KIF13B: variants seen among roughly 807,000 people sequenced by gnomAD.
KIF13B encodes the protein kinesin family member 13B.
In KIF13B, 127 loss-of-function variants were observed where a neutral mutation model predicts 222.0. That is an observed-to-expected ratio of 0.57 (90% CI 0.50 to 0.66). The LOEUF is 0.66. KIF13B is among the 30% of genes least tolerant of loss of function. The pLI is 0.00. For missense variants in KIF13B, 2,173 were observed against 2,379.0 expected, an observed-to-expected ratio of 0.91 and a Z score of 1.80; for synonymous variants, 976 against 919.0, an observed-to-expected ratio of 1.06 and a Z score of -1.12.
chr8:29,209,884 A>C (rs11988487), intron 2 of KIF13B, among the ~76,000 whole-genome samples: 1 of 81,712 alleles, frequency 1.2e-5, no homozygotes, highest in African/African-American at 3.8e-5. Flanking sequence ...CTACCTCTCC[A>C]CAAAAAAAAA....
In KIF13B at chr8:29,099,191, T is replaced by C; in HGVS notation, c.4266A>G (p.Gly1422=). ...QDVSQTTVSR[G]IAPAPALSVS... The stretch of plus-strand genomic sequence containing the variant: ...CAGAGAGGGCGGGGGCAGGAGCTAT[T>C]CCTCTGGAAACTGTGGTTTGGGATA... The change falls in exon 36 of 40, where the codon GGA becomes GGG. Residue 1422 remains glycine, a synonymous_variant. Coordinates refer to ENST00000524189, the MANE Select transcript of KIF13B (RefSeq NM_015254.4). 1 of 1,613,770 alleles carries C rather than the reference T, an allele frequency of 6.2e-7. No individual in the cohort carries two copies. Among genetic ancestry groups the C allele is most frequent in the Non-Finnish European group, 8.5e-7 (1 of 1,179,784 alleles).
At chr8:29,170,433 T>C (rs1812187753) in intron 10 of KIF13B, among the ~76,000 whole-genome samples, 1 of 152,212 alleles carries the variant, frequency 6.6e-6, no homozygotes, top group Non-Finnish European at 1.5e-5. Context: ...TGGTAAGTAA[T>C]ACTATATAAC....
chr8:29,127,022 G>T, intron 25 of KIF13B, 100 bp downstream of exon 25: 2 of 1,030,354 alleles, frequency 1.9e-6, no homozygotes, highest in Non-Finnish European at 2.8e-6. Flanking sequence ...AGAGATTCAC[G>T]GAAAGAAATG....
chr8:29,119,052 C>T, intron 29 of KIF13B, 60 bp from the exon 30 acceptor site: 1 of 1,529,564 alleles, frequency 6.5e-7, no homozygotes, highest in Non-Finnish European at 8.9e-7. Context: ...CCCCTACCAG[C>T]TAAATTTCAA....
intron 10 of KIF13B, among the ~76,000 whole-genome samples, chr8:29,170,997 T>C (rs550499661): frequency 1.4e-4 from 22 of 152,278 alleles, no homozygotes; most frequent in Non-Finnish European, 2.2e-4. Flanking sequence ...AAAGTATTAA[T>C]GTAGAAAGAT....
At chr8:29,247,502 C>T (rs188657802) in intron 1 of KIF13B, among the ~76,000 whole-genome samples, 262 of 152,128 alleles carry the variant, frequency 1.7e-3, no homozygotes, top group Middle Eastern at 6.8e-3. Flanking sequence ...ACTTGCATCA[C>T]AATATATAAA....
chr8:29,079,324 C>G (rs759900074), intron 37 of KIF13B, among the ~76,000 whole-genome samples: 1 of 152,210 alleles, frequency 6.6e-6, no homozygotes, highest in Admixed American at 6.5e-5. Flanking sequence ...CAGCGCCCAC[C>G]GGCTTCGCTG....
intron 2 of KIF13B, among the ~76,000 whole-genome samples, chr8:29,233,839 G>A (rs1334924200): frequency 3.9e-5 from 6 of 152,194 alleles, no homozygotes; most frequent in Admixed American, 3.9e-4. Context: ...AGGTGACAGA[G>A]TGAGACTTTG....
intron 2 of KIF13B, among the ~76,000 whole-genome samples, chr8:29,205,350 A>T (rs1796688084): frequency 6.6e-6 from 1 of 152,224 alleles, no homozygotes; most frequent in African/African-American, 2.4e-5. Context: ...GTTCCCACAC[A>T]GCAGCAACAG....
At chr8:29,114,909 GCTC>G (rs558617251) in intron 31 of KIF13B, among the ~76,000 whole-genome samples, 196 of 152,296 alleles carry the variant, frequency 1.3e-3, no homozygotes, top group African/African-American at 4.3e-3. Flanking sequence ...TCTTCAAAAT[GCTC>G]CTCATGAGCA....
intron 36 of KIF13B, among the ~76,000 whole-genome samples, chr8:29,094,906 A>G (rs559072348): frequency 5.6e-4 from 85 of 151,996 alleles, no homozygotes; most frequent in Non-Finnish European, 1.0e-3. Context: ...AATTCCCTGG[A>G]TGTGCTTAAC....
chr8:29,170,539 A>G (rs1423546481), intron 10 of KIF13B, among the ~76,000 whole-genome samples: 1 of 152,154 alleles, frequency 6.6e-6, no homozygotes, highest in Non-Finnish European at 1.5e-5. Flanking sequence ...ACAGAAAGTG[A>G]CACTTGAGAC....
At chr8:29,086,911 G>A (rs1586757082) in intron 37 of KIF13B, among the ~76,000 whole-genome samples, 1 of 152,238 alleles carries the variant, frequency 6.6e-6, no homozygotes, top group South Asian at 2.1e-4. Flanking sequence ...ACAGGCACTA[G>A]TAAATAAAAA....
chr8:29,196,814 C>T (rs966951062), intron 2 of KIF13B, among the ~76,000 whole-genome samples: 3 of 152,054 alleles, frequency 2.0e-5, no homozygotes, highest in East Asian at 3.9e-4. Flanking sequence ...ATCCCAAATC[C>T]GAAAATCCAA....
rs376321547 is a variant in KIF13B at position 29,082,571 on chromosome 8, C to T, written c.4459-7228G>A. Among the ~76,000 whole-genome samples the T allele has an allele frequency of 2.3e-4, 35 of 151,748 alleles. 2 individuals are homozygous for T. The highest frequency in any genetic ancestry group is 1.4e-3 in the East Asian group (7 of 5,162). Reference sequence around the variant, plus strand: ...ACAGGAGGACTTGCGCCCAGGAGTTCGAAGCTGCAGTGAGCTATGATCACA... The same window carrying T: ...ACAGGAGGACTTGCGCCCAGGAGTTTGAAGCTGCAGTGAGCTATGATCACA... On this transcript the variant is annotated intron_variant, in intron 37 of 39. Transcript: ENST00000524189.
At chr8:29,236,024 C>A (rs555678361) in intron 2 of KIF13B, among the ~76,000 whole-genome samples, 1 of 152,230 alleles carries the variant, frequency 6.6e-6, no homozygotes, top group East Asian at 1.9e-4. Context: ...ACAAATGATC[C>A]GGCTTCTTCA....
intron 1 of KIF13B, among the ~76,000 whole-genome samples, chr8:29,247,901 C>T (rs1010445822): frequency 6.8e-5 from 10 of 146,316 alleles, no homozygotes; most frequent in South Asian, 2.2e-4. Flanking sequence ...TCTGAATATA[C>T]GTCTCTCCAA....
rs562814890 is a variant in KIF13B at position 29,089,058 on chromosome 8, C to G, written c.4458+3687G>C. 2.0e-5 allele frequency among the ~76,000 whole-genome samples: 3 copies of G among 152,334 alleles called. No individual in the cohort carries two copies. In the South Asian group the frequency reaches 6.2e-4, roughly 32 times the overall value. Reference sequence around the variant, plus strand: ...GGTTCTTAAATATGTCTTCATCCCTCTAATCCCCACTCAGCCATGCTTCTT... The same window carrying G: ...GGTTCTTAAATATGTCTTCATCCCTGTAATCCCCACTCAGCCATGCTTCTT... On this transcript the variant is annotated intron_variant, in intron 37 of 39. Transcript: ENST00000524189.
intron 2 of KIF13B, among the ~76,000 whole-genome samples, chr8:29,239,029 C>T (rs1439820563): frequency 6.6e-6 from 1 of 152,270 alleles, no homozygotes; most frequent in East Asian, 1.9e-4. Context: ...CAGAATGAGA[C>T]CCTGTCTCAA....
Sources: gnomAD v4.1 joint callset for allele counts (sites outside exome capture counted in the v4.1 genomes callset) on GRCh38, gnomAD v4.1.1 for gene constraint, MANE v1.5 for transcripts, NCBI Gene and HGNC (gene_info 2026-07-23, HGNC 2026-07-21) for gene names.